The following ANO10 variants were observed in gnomAD, a reference collection of about 807,000 sequenced individuals.
The protein encoded by ANO10 is anoctamin 10, also known as anoctamin-10.
In ANO10, 77 loss-of-function variants were observed where a neutral mutation model predicts 74.7. That is an observed-to-expected ratio of 1.03 (90% CI 0.86 to 1.25). ANO10 has a LOEUF of 1.25. ANO10 is among the 50% of genes most tolerant of loss of function. The pLI is 0.00. For synonymous variants in ANO10, 279 were observed against 284.9 expected, an observed-to-expected ratio of 0.98 and a Z score of 0.21; for missense variants, 721 against 778.1, an observed-to-expected ratio of 0.93 and a Z score of 0.87.
At chr3:43,391,916 G>A (rs980275506) in intron 12 of ANO10, among the ~76,000 whole-genome samples, 6 of 152,232 alleles carry the variant, frequency 3.9e-5, no homozygotes, top group Admixed American at 3.9e-4. Flanking sequence ...CATAAGCTGT[G>A]AAGTCTGGGG....
chr3:43,374,445 A>C (rs914059830), intron 12 of ANO10, among the ~76,000 whole-genome samples: 6 of 152,216 alleles, frequency 3.9e-5, no homozygotes, highest in African/African-American at 1.2e-4. Context: ...AAGGTTGAGA[A>C]ACTTGCACCA....
chr3:43,519,440 A>T (rs900627475), intron 11 of ANO10, among the ~76,000 whole-genome samples: 4 of 152,160 alleles, frequency 2.6e-5, no homozygotes, highest in Non-Finnish European at 5.9e-5. Flanking sequence ...ACTAAGATGG[A>T]CAAGCAAATT....
At chr3:43,647,349 T>C (rs893544093) in intron 1 of ANO10, among the ~76,000 whole-genome samples, 1 of 152,098 alleles carries the variant, frequency 6.6e-6, no homozygotes. Flanking sequence ...AGCGCTGGTA[T>C]AAGCCCCAGA....
rs141810049 is a variant in ANO10 at position 43,504,136 on chromosome 3, C to T, written c.1797+45584G>A. 4.2e-3 allele frequency among the ~76,000 whole-genome samples: 635 copies of T among 152,052 alleles called. 4 individuals carry two copies. Among genetic ancestry groups the T allele is most frequent in the South Asian group, 0.023 (110 of 4,816 alleles). On this transcript the variant is annotated intron_variant, in intron 11 of 12. Coordinates refer to ENST00000292246, the MANE Select transcript of ANO10 (RefSeq NM_018075.5). ...ATGCAAAAATTAGCCGGCACGGTGG[C>T]GGACACCTGTAATCCCAGCTACTCG...
At chr3:43,568,933 C>T (rs1300366370) in intron 7 of ANO10, among the ~76,000 whole-genome samples, 8 of 145,794 alleles carry the variant, frequency 5.5e-5, no homozygotes, top group South Asian at 2.2e-4. Flanking sequence ...ATTGATAGAC[C>T]GCTAGCAAGA....
intron 12 of ANO10, among the ~76,000 whole-genome samples, chr3:43,406,522 T>C (rs1157689354): frequency 6.7e-6 from 1 of 148,608 alleles, no homozygotes; most frequent in Admixed American, 6.6e-5. Context: ...TGCTAAAGTA[T>C]GAGCACATGG....
rs867884248 is a variant in ANO10 at position 43,643,666 on chromosome 3, A to C, written c.-11-37803T>G. 4.3e-5 allele frequency among the ~76,000 whole-genome samples: 6 copies of C among 138,940 alleles called. 1 individual carries two copies. In the South Asian group the frequency reaches 1.4e-3, roughly 32 times the overall value. The allele number at this position is 138,940 out of a possible 152,430, so 91.2% of individuals were successfully genotyped here. A position where few individuals can be genotyped will look rare whatever the true frequency, so the allele number is the denominator to read the frequency against. On this transcript the variant is annotated intron_variant, in intron 1 of 3. Transcript: ENST00000413397. ...ATCCATTGTTAAAAGCTTTTCATGT[A>C]CTTGTCCTCATCTTTTCTTTTTTTT...
At chr3:43,458,172 T>A (rs1464239792) in intron 11 of ANO10, among the ~76,000 whole-genome samples, 2 of 152,194 alleles carry the variant, frequency 1.3e-5, no homozygotes, top group Non-Finnish European at 2.9e-5. Context: ...CTTTGTCATT[T>A]GTAAAAATTA....
At chr3:43,470,417 A>G (rs1170823278) in intron 11 of ANO10, among the ~76,000 whole-genome samples, 1 of 151,756 alleles carries the variant, frequency 6.6e-6, no homozygotes, top group Non-Finnish European at 1.5e-5. Flanking sequence ...GCAGTGGCGC[A>G]CTCTTGGCTC....
intron 1 of ANO10, among the ~76,000 whole-genome samples, chr3:43,687,602 C>T (rs997415276): frequency 2.6e-5 from 4 of 152,184 alleles, no homozygotes; most frequent in Admixed American, 6.5e-5. Flanking sequence ...TTGCTTTGGT[C>T]AGTGTCATAT....
intron 9 of ANO10, among the ~76,000 whole-genome samples, chr3:43,555,922 T>C (rs1372015806): frequency 1.3e-5 from 2 of 152,222 alleles, no homozygotes; most frequent in Non-Finnish European, 2.9e-5. Flanking sequence ...TCTGGATATC[T>C]GAATCAAGTA....
At chr3:43,669,158 T>C (rs2084026023) in intron 1 of ANO10, among the ~76,000 whole-genome samples, 1 of 152,090 alleles carries the variant, frequency 6.6e-6, no homozygotes, top group Non-Finnish European at 1.5e-5. Context: ...GAGTTGTGTA[T>C]TTCCCTTCCC....
At chr3:43,587,615 C>A (rs1400170929) in intron 4 of ANO10, among the ~76,000 whole-genome samples, 1 of 152,036 alleles carries the variant, frequency 6.6e-6, no homozygotes, top group East Asian at 1.9e-4. Context: ...CTGGGAAATG[C>A]AAAGGGAAGT....
intron 1 of ANO10, among the ~76,000 whole-genome samples, chr3:43,677,674 G>C (rs574435549): frequency 6.6e-6 from 1 of 152,188 alleles, no homozygotes; most frequent in East Asian, 1.9e-4. Flanking sequence ...GGGCGGGCTG[G>C]GAATTCAAAG....
intron 12 of ANO10, among the ~76,000 whole-genome samples, chr3:43,427,472 C>T (rs2092915876): frequency 6.6e-6 from 1 of 152,110 alleles, no homozygotes; most frequent in Non-Finnish European, 1.5e-5. Context: ...ATATTTTGCC[C>T]ATAAAATGAG....
chr3:43,672,017 C>T (rs1218703976), intron 1 of ANO10, among the ~76,000 whole-genome samples: 1 of 152,180 alleles, frequency 6.6e-6, no homozygotes, highest in African/African-American at 2.4e-5. Flanking sequence ...GTTTATTGTG[C>T]AGCTGAAATT....
At chr3:43,493,700 G>C (rs1006950095) in intron 11 of ANO10, among the ~76,000 whole-genome samples, 1 of 152,080 alleles carries the variant, frequency 6.6e-6, no homozygotes, top group Non-Finnish European at 1.5e-5. Flanking sequence ...AATAAAAGTA[G>C]AAAAATATAC....
At chr3:43,445,270 TA>T (rs2093228260) in intron 11 of ANO10, among the ~76,000 whole-genome samples, 1 of 151,880 alleles carries the variant, frequency 6.6e-6, no homozygotes, top group Non-Finnish European at 1.5e-5. Context: ...TCTTATCAGA[TA>T]AAAACTAAGG....
chr3:43,556,852 T>C (rs1370955632), intron 9 of ANO10, among the ~76,000 whole-genome samples: 3 of 152,100 alleles, frequency 2.0e-5, no homozygotes, highest in South Asian at 2.1e-4. Context: ...GTATTGAACA[T>C]ACCAGTAAGC....
Sources: gnomAD v4.1 joint callset for allele counts (sites outside exome capture counted in the v4.1 genomes callset) on GRCh38, gnomAD v4.1.1 for gene constraint, MANE v1.5 for transcripts, NCBI Gene and HGNC (gene_info 2026-07-23, HGNC 2026-07-21) for gene names.